Variants in TPO observed in about 807,000 individuals in gnomAD.
The protein encoded by TPO is thyroid microsomal antigen.
TPO carries 78 observed loss-of-function variants against 96.9 expected under a neutral mutation model. The observed-to-expected ratio is 0.81, with a 90% confidence interval of 0.67 to 0.97. The LOEUF is 0.97. Ranked by LOEUF, TPO falls within the 50% of genes least tolerant of loss-of-function variation. The pLI is 0.00. For missense variants in TPO, 1,252 were observed against 1,274.8 expected (o/e 0.98, Z 0.27); for synonymous variants, 547 against 538.0 (o/e 1.02, Z -0.23).
At chr2:1,402,045 C>A (rs972873496) in intron 1 of TPO, among the ~76,000 whole-genome samples, 4 of 152,176 alleles carry the variant, frequency 2.6e-5, no homozygotes, top group African/African-American at 9.6e-5. Context: ...GGCTGCTCCT[C>A]ATCTGGATCA....
intron 3 of TPO, among the ~76,000 whole-genome samples, chr2:1,425,147 C>T (rs1664211136): frequency 6.6e-6 from 1 of 151,968 alleles, no homozygotes; most frequent in Admixed American, 6.6e-5. Flanking sequence ...TGCCGGGATA[C>T]AGAGATGAGT....
intron 14 of TPO, among the ~76,000 whole-genome samples, chr2:1,510,851 G>T (rs1674031166): frequency 6.6e-6 from 1 of 151,788 alleles, no homozygotes; most frequent in Non-Finnish European, 1.5e-5. Flanking sequence ...ATTATGGATA[G>T]AGACAGTTTA....
chr2:1,524,059 CAA>C (rs2125121941), intron 15 of TPO, among the ~76,000 whole-genome samples: 1 of 127,284 alleles, frequency 7.9e-6, no homozygotes, highest in African/African-American at 3.0e-5. Context: ...TTGTGGGCAA[CAA>C]CACCAAATCC....
At chr2:1,435,583 T>C (rs1198998488) in intron 4 of TPO, among the ~76,000 whole-genome samples, 4 of 152,176 alleles carry the variant, frequency 2.6e-5, no homozygotes. Flanking sequence ...GGAGAAGTAA[T>C]CGATGATTAC....
At chr2:1,516,363 T>C (rs917471585) in intron 14 of TPO, among the ~76,000 whole-genome samples, 3 of 152,184 alleles carry the variant, frequency 2.0e-5, no homozygotes, top group Non-Finnish European at 4.4e-5. Context: ...GGGCTCCAGC[T>C]CTGCAAGGTG....
At chr2:1,516,817 G>T in intron 14 of TPO, 66 bp from the exon 15 acceptor site, 1 of 1,483,026 alleles carries the variant, frequency 6.7e-7, no homozygotes, top group Non-Finnish European at 9.4e-7. Flanking sequence ...CCAGACTCAG[G>T]CAGGACAACC....
intron 7 of TPO, among the ~76,000 whole-genome samples, chr2:1,475,636 G>A (rs923203616): frequency 3.9e-5 from 6 of 152,234 alleles, no homozygotes; most frequent in South Asian, 2.1e-4. Context: ...TGTTAGCCAG[G>A]ATGGTCTCGA....
Position 1,435,841 on chromosome 2 carries a change from C to G in TPO, c.350-411C>G, listed in dbSNP as rs555326360. On this transcript the variant is annotated intron_variant, in intron 4 of 16. Transcript: ENST00000329066. The stretch of plus-strand genomic sequence containing the variant: ...TTAGGGTTCGGGATAAATTCTACTC[C>G]TCACTGTCTTCTAAAGCACTGGGGC... Among the ~76,000 whole-genome samples the G allele has an allele frequency of 9.9e-5, 15 of 152,276 alleles. 1 individual carries two copies. In the South Asian group the frequency reaches 3.1e-3, roughly 32 times the overall value.
chr2:1,433,427 A>G lies in TPO; in HGVS notation c.180-11A>G, dbSNP rs577939338. 4 of 1,613,992 alleles carry G rather than the reference A, an allele frequency of 2.5e-6. No individual in the cohort carries two copies. Among genetic ancestry groups the G allele is most frequent in the Non-Finnish European group, 3.4e-6 (4 of 1,179,980 alleles). ...AAATAATCTATTTTATATCTTCTTT[A>G]TGTGCCATAGAAACCTCAAGAAAAG... On this transcript the variant is annotated splice_polypyrimidine_tract_variant and intron_variant, in intron 3 of 16. Coordinates refer to ENST00000329066, the MANE Select transcript of TPO (RefSeq NM_001206744.2).
At chr2:1,507,187 T>G (rs1443005009) in intron 14 of TPO, among the ~76,000 whole-genome samples, 5 of 152,194 alleles carry the variant, frequency 3.3e-5, no homozygotes, top group Non-Finnish European at 7.3e-5. Context: ...AAAGATCAGA[T>G]AGTTGTAGAT....
At chr2:1,501,864 T>C (rs1223637695) in intron 13 of TPO, among the ~76,000 whole-genome samples, 1 of 151,974 alleles carries the variant, frequency 6.6e-6, no homozygotes, top group Admixed American at 6.6e-5. Context: ...CTAGAACTCT[T>C]GGAGGATGCA....
intron 9 of TPO, among the ~76,000 whole-genome samples, chr2:1,487,459 G>T (rs1256131678): frequency 6.6e-6 from 1 of 152,220 alleles, no homozygotes; most frequent in Non-Finnish European, 1.5e-5. Context: ...ATTGGGCTGG[G>T]CGCGGTGGCT....
chr2:1,520,051 C>G (rs1237651128), intron 15 of TPO, among the ~76,000 whole-genome samples: 1 of 152,256 alleles, frequency 6.6e-6, no homozygotes, highest in East Asian at 1.9e-4. Flanking sequence ...GTTAATGTGC[C>G]ATCACACGCT....
In TPO at chr2:1,392,011, T is replaced by C. The variant is rs554189950; in HGVS notation, n.180+17609T>C. Among the ~76,000 whole-genome samples the C allele has an allele frequency of 3.8e-4, 58 of 152,336 alleles. 1 individual carries two copies. Among genetic ancestry groups the C allele is most frequent in the African/African-American group, 1.4e-3 (57 of 41,568 alleles). On this transcript the variant is annotated intron_variant and non_coding_transcript_variant, in intron 1 of 5. Coordinates refer to the TPO transcript ENST00000497517. ...TCCTAATTGAATACCCTTTATTTCTTTCTCCTGCCTGATTGCCCTGGCCAG... is the reference window on the plus strand; with the variant it reads ...TCCTAATTGAATACCCTTTATTTCTCTCTCCTGCCTGATTGCCCTGGCCAG...
At chr2:1,458,377 G>A (rs1203840124) in intron 7 of TPO, among the ~76,000 whole-genome samples, 2 of 151,792 alleles carry the variant, frequency 1.3e-5, no homozygotes, top group African/African-American at 4.9e-5. Context: ...GGGCACATGT[G>A]TATATGGCAT....
chr2:1,533,449 C>CAT (rs2125270489), intron 15 of TPO, among the ~76,000 whole-genome samples: 1 of 108,248 alleles, frequency 9.2e-6, no homozygotes, highest in Non-Finnish European at 1.9e-5. Flanking sequence ...GAAATCGCCC[C>CAT]CACTGTGTGC....
intron 8 of TPO, among the ~76,000 whole-genome samples, chr2:1,482,853 T>A (rs941629791): frequency 5.9e-5 from 9 of 152,282 alleles, no homozygotes; most frequent in Middle Eastern, 3.4e-3. Context: ...TTTAATTTTT[T>A]AAATTTTTTT....
chr2:1,508,047 G>T (rs1414962828), intron 14 of TPO, among the ~76,000 whole-genome samples: 1 of 152,044 alleles, frequency 6.6e-6, no homozygotes, highest in Non-Finnish European at 1.5e-5. Flanking sequence ...TTATTATTTT[G>T]AGATACTTCC....
intron 5 of TPO, among the ~76,000 whole-genome samples, chr2:1,443,983 G>T (rs1238807693): frequency 1.1e-4 from 15 of 136,888 alleles, no homozygotes; most frequent in African/African-American, 4.2e-4. Flanking sequence ...GCTCGTTCTT[G>T]TTTGTATGAT....
Sources: gnomAD v4.1 joint callset for allele counts (sites outside exome capture counted in the v4.1 genomes callset) on GRCh38, gnomAD v4.1.1 for gene constraint, MANE v1.5 for transcripts, NCBI Gene and HGNC (gene_info 2026-07-23, HGNC 2026-07-21) for gene names.